The following USP18 variants were observed in gnomAD, a reference collection of about 807,000 sequenced individuals.
USP18 encodes the protein ubiquitin specific peptidase 18.
USP18 carries 11 observed loss-of-function variants against 48.7 expected under a neutral mutation model. The observed-to-expected ratio is 0.23, with a 90% CI of 0.14 to 0.37. USP18 has a LOEUF of 0.37. USP18 is among the 10% of genes least tolerant of loss of function. USP18 has a pLI of 1.00. For synonymous variants in USP18, 114 were observed against 163.2 expected (o/e 0.70, Z 2.30); for missense variants, 285 against 436.4 (o/e 0.65, Z 3.09).
intron 7 of USP18, among the ~76,000 whole-genome samples, chr22:18,170,153 G>A (rs1290066861): frequency 2.0e-5 from 3 of 151,176 alleles, no homozygotes; most frequent in African/African-American, 7.3e-5. Context: ...TGTGGAACTC[G>A]TGCCTATGGG....
At position 18,175,799 on chromosome 22, in the gene USP18, A is replaced by G. The variant is rs1301966734; in HGVS notation, c.1074-973A>G. On this transcript the variant is annotated intron_variant, in intron 10 of 10. Coordinates refer to ENST00000215794, the MANE Select transcript of USP18 (RefSeq NM_017414.4). ...AGACCAGCCTGGGCAACAAAGCAAG[A>G]CTCCATCTCTACAAAAAAATAAAAA... 2.7e-3 allele frequency among the ~76,000 whole-genome samples: 408 copies of G among 148,808 alleles called. 1 individual carries two copies. The highest frequency in any genetic ancestry group is 9.9e-3 in the African/African-American group (380 of 38,470).
At chr22:18,174,254 T>C (rs1232122182) in intron 10 of USP18, among the ~76,000 whole-genome samples, 2 of 148,188 alleles carry the variant, frequency 1.3e-5, no homozygotes, top group Non-Finnish European at 3.0e-5. Context: ...TTTGACGGAG[T>C]CTCGCTCTGT....
intron 5 of USP18, among the ~76,000 whole-genome samples, 175 bp from the exon 6 acceptor site, chr22:18,167,715 A>G (rs1602528980): frequency 7.0e-6 from 1 of 142,370 alleles, no homozygotes; most frequent in African/African-American, 2.7e-5. Flanking sequence ...AAAAAAAAAA[A>G]AAGAAAAAAG....
chr22:18,155,734 G>C, intron 1 of USP18, among the ~76,000 whole-genome samples: 1 of 152,360 alleles, frequency 6.6e-6, no homozygotes, highest in Admixed American at 6.5e-5. Context: ...GGCAGGGCTC[G>C]GGACCTGTAG....
intron 1 of USP18, among the ~76,000 whole-genome samples, chr22:18,153,035 C>T (rs905502101): frequency 6.6e-6 from 1 of 152,204 alleles, no homozygotes; most frequent in Non-Finnish European, 1.5e-5. Context: ...TCCTCCTAGG[C>T]TGGGCCTTGT....
At chr22:18,168,271 G>A (rs1168009571) in intron 6 of USP18, among the ~76,000 whole-genome samples, 4 of 152,142 alleles carry the variant, frequency 2.6e-5, no homozygotes, top group African/African-American at 7.2e-5. Flanking sequence ...TAATGTGCCA[G>A]CTCAAATCTC....
At chr22:18,164,920 G>C (rs1929436057) in intron 4 of USP18, among the ~76,000 whole-genome samples, 2 of 152,108 alleles carry the variant, frequency 1.3e-5, no homozygotes, top group Admixed American at 1.3e-4. Context: ...CTCACAGTAA[G>C]GTACTGTGTC....
At position 18,172,658 on chromosome 22, in the gene USP18, C is replaced by A. The variant is rs185235098; in HGVS notation, c.892-492C>A. On this transcript the variant is annotated intron_variant, in intron 8 of 10. Coordinates refer to ENST00000215794, the MANE Select transcript of USP18 (RefSeq NM_017414.4). ...CTAATATTTAGATACAGATATTGCC[C>A]TGCATTTTGTAAAGTTCTGCACAAA... Among the ~76,000 whole-genome samples the A allele has an allele frequency of 5.2e-3, 792 of 151,426 alleles. 5 individuals are homozygous for A. The highest frequency in any genetic ancestry group is 0.018 in the African/African-American group (729 of 41,286).
At chr22:18,170,343 G>A (rs929617963) in intron 7 of USP18, among the ~76,000 whole-genome samples, 2 of 152,176 alleles carry the variant, frequency 1.3e-5, no homozygotes, top group African/African-American at 4.8e-5. Flanking sequence ...GGGAATCTGG[G>A]TCTGGCTAGT....
At chr22:18,162,256 T>C (rs1951525963) in intron 4 of USP18, among the ~76,000 whole-genome samples, 2 of 151,712 alleles carry the variant, frequency 1.3e-5, no homozygotes, top group South Asian at 2.1e-4. Context: ...AGAGAAAACA[T>C]GTTCTACAAA....
chr22:18,150,272 A>G (rs963941319), intron 1 of USP18, 50 bp downstream of exon 1: 1 of 152,018 alleles, frequency 6.6e-6, no homozygotes, highest in Non-Finnish European at 1.5e-5. Context: ...CAGACATCCA[A>G]CTCTGCTCCT....
intron 4 of USP18, among the ~76,000 whole-genome samples, chr22:18,163,128 G>A (rs1169549316): frequency 6.6e-6 from 1 of 151,634 alleles, no homozygotes; most frequent in African/African-American, 2.4e-5. Flanking sequence ...ACTTTTTTCT[G>A]TCTCTTTGCT....
rs1929518317 is a variant in USP18, at chr22:18,167,796, G to A, written c.481-94G>A. The A allele has an allele frequency of 1.5e-5, 21 of 1,418,804 alleles. No individual in the cohort carries two copies. In the East Asian group the frequency reaches 4.2e-4, roughly 28 times the overall value. The allele number at this position is 1,418,804 out of a possible 1,614,324, so 87.9% of individuals were successfully genotyped here. A position where few individuals can be genotyped will look rare whatever the true frequency, so the allele number is the denominator to read the frequency against. ...CTGGTATTATTTTGCACCTTTGTGA[G>A]GAGCTTCTGTCTCTTGGCTCCACCT... On this transcript the variant is annotated intron_variant, in intron 5 of 10. Coordinates refer to ENST00000215794, the MANE Select transcript of USP18 (RefSeq NM_017414.4).
At chr22:18,150,399 T>C (rs566617408) in intron 1 of USP18, among the ~76,000 whole-genome samples, 177 bp downstream of exon 1, 2 of 152,360 alleles carry the variant, frequency 1.3e-5, no homozygotes, top group Admixed American at 6.5e-5. Flanking sequence ...TAAGCTAATA[T>C]AGTTATTTGG....
intron 1 of USP18, among the ~76,000 whole-genome samples, chr22:18,150,620 A>G (rs1301682527): frequency 2.6e-5 from 4 of 152,268 alleles, no homozygotes; most frequent in Non-Finnish European, 5.9e-5. Flanking sequence ...TATTATGGAC[A>G]TCTTTTCATG....
At chr22:18,166,417 G>A (rs1181075174) in intron 4 of USP18, among the ~76,000 whole-genome samples, 1 of 152,052 alleles carries the variant, frequency 6.6e-6, no homozygotes, top group African/African-American at 2.4e-5. Context: ...GTTTAGTAAC[G>A]CCAACATCTA....
At chr22:18,173,953 C>T in intron 10 of USP18, 111 bp downstream of exon 10, 1 of 1,497,500 alleles carries the variant, frequency 6.7e-7, no homozygotes, top group African/African-American at 1.4e-5. Flanking sequence ...GGCTCACTGT[C>T]CGCCTCATCT....
chr22:18,173,712 G>C, intron 9 of USP18, 81 bp from the exon 10 acceptor site: 1 of 1,589,136 alleles, frequency 6.3e-7, no homozygotes, highest in African/African-American at 1.3e-5. Flanking sequence ...TCTGGAGGAT[G>C]AGGGGCACAT....
rs570893757 is a variant in USP18 at position 18,173,641 on chromosome 22, T to C, written c.1024-152T>C. 7.6e-5 allele frequency: 96 copies of C among 1,255,730 alleles called. No homozygotes were observed. The African/African-American group carries it at 9.9e-4, about 13-fold the overall frequency. The allele number at this position is 1,255,730 out of a possible 1,614,324, so 77.8% of individuals were successfully genotyped here. A position where few individuals can be genotyped will look rare whatever the true frequency, so the allele number is the denominator to read the frequency against. ...GGACAAGGGCACTAAACATACTTCA[T>C]TGCACAAGACATCCTGCTGCTGTTG... is the stretch of plus-strand genomic sequence containing the variant. On this transcript the variant is annotated intron_variant, in intron 9 of 10. Coordinates refer to ENST00000215794, the MANE Select transcript of USP18 (RefSeq NM_017414.4).
Sources: allele counts gnomAD v4.1 joint callset (sites outside exome capture counted in the v4.1 genomes callset), GRCh38; gene constraint gnomAD v4.1.1; transcripts MANE v1.5; gene names NCBI Gene and HGNC (gene_info 2026-07-23, HGNC 2026-07-21).